Variants in BLTP1 observed in about 807,000 individuals in gnomAD.
BLTP1 encodes fragile site-associated protein.
At chr4:122,220,996 A>C in the BLTP1 span, 1 of 597,302 alleles carries the variant, frequency 1.7e-6, no homozygotes, top group Non-Finnish European at 2.1e-6. Context: ...ATTTCTGGGT[A>C]GATTATAATT....
At chr4:122,272,118 G>T in the BLTP1 span, 4 of 1,581,222 alleles carry the variant, frequency 2.5e-6, no homozygotes, top group Non-Finnish European at 3.4e-6. Flanking sequence ...CCATTTTTCA[G>T]TCTTCGTATC....
the BLTP1 span, chr4:122,353,992 T>G: frequency 6.2e-7 from 1 of 1,613,710 alleles, no homozygotes; most frequent in Non-Finnish European, 8.5e-7. The surrounding 1 kb of genome is among the most constrained non-coding windows in gnomAD (Gnocchi z 4.3). Context: ...AATGGTTCAA[T>G]TATGTTACAG....
the BLTP1 span, chr4:122,250,331 T>TTA: frequency 9.0e-6 from 14 of 1,560,620 alleles, no homozygotes; most frequent in Non-Finnish European, 1.2e-5. Flanking sequence ...TATTCACCAT[T>TTA]TATAATAAAT....
chr4:122,179,757 T>A, the BLTP1 span: 1 of 766,768 alleles, frequency 1.3e-6, no homozygotes, highest in South Asian at 5.9e-5. Context: ...TTTTCAAAGA[T>A]GAGCACATAC....
chr4:122,262,742 C>A, the BLTP1 span: 1 of 1,545,320 alleles, frequency 6.5e-7, no homozygotes. Context: ...TAAGAAATAA[C>A]CCTAAGTTAC....
the BLTP1 span, among the ~76,000 whole-genome samples, chr4:122,278,663 T>A: frequency 3.3e-5 from 5 of 152,318 alleles, no homozygotes; most frequent in African/African-American, 1.2e-4. Context: ...GGTCCACTTT[T>A]ATCTGCTCCC....
chr4:122,327,537 TTTGA>T, the BLTP1 span, among the ~76,000 whole-genome samples: 2 of 151,734 alleles, frequency 1.3e-5, no homozygotes, highest in African/African-American at 4.8e-5. Flanking sequence ...CATTCTTCAG[TTTGA>T]TTGATACATG....
the BLTP1 span, chr4:122,298,826 G>A: frequency 1.0e-6 from 1 of 976,900 alleles, no homozygotes; most frequent in Non-Finnish European, 1.2e-6. Flanking sequence ...GGGACAGTTT[G>A]ATGAAAGAAA....
the BLTP1 span, chr4:122,167,882 G>A: frequency 2.0e-6 from 2 of 985,372 alleles, no homozygotes; most frequent in Non-Finnish European, 2.4e-6. Flanking sequence ...CAACCAGTTT[G>A]TATTTTGTTC....
chr4:122,309,589 T>G, the BLTP1 span: 10 of 962,276 alleles, frequency 1.0e-5, no homozygotes, highest in African/African-American at 1.7e-4. Flanking sequence ...AGAAGGGCTA[T>G]TTCTAGTTAC....
At chr4:122,316,139 T>C in the BLTP1 span, among the ~76,000 whole-genome samples, 3 of 152,156 alleles carry the variant, frequency 2.0e-5, no homozygotes, top group African/African-American at 7.2e-5. Context: ...CAAAATGAAA[T>C]GATACATTTT....
At chr4:122,160,364 C>T in the BLTP1 span, among the ~76,000 whole-genome samples, 1 of 152,068 alleles carries the variant, frequency 6.6e-6, no homozygotes, top group Admixed American at 6.5e-5. Flanking sequence ...TAATTTTAGG[C>T]CTTGTTGTGT....
At chr4:122,353,235 A>G in the BLTP1 span, 58 of 1,545,660 alleles carry the variant, frequency 3.8e-5, no homozygotes, top group East Asian at 1.2e-3. The surrounding 1 kb of genome is among the most constrained non-coding windows in gnomAD (Gnocchi z 4.3). Flanking sequence ...TCTGAAGTCC[A>G]TCTCTGTTTG....
chr4:122,209,632 C>A, the BLTP1 span: 2 of 431,080 alleles, frequency 4.6e-6, no homozygotes, highest in Admixed American at 1.3e-4. Context: ...GCAACAGAGA[C>A]CCCATCTCAA....
the BLTP1 span, among the ~76,000 whole-genome samples, chr4:122,333,997 C>T: frequency 6.6e-6 from 1 of 151,980 alleles, no homozygotes; most frequent in African/African-American, 2.4e-5. Context: ...GTAGCATTTT[C>T]CATGAAAGTT....
chr4:122,152,983 G>T, the BLTP1 span: 1 of 985,314 alleles, frequency 1.0e-6, no homozygotes, highest in Non-Finnish European at 1.2e-6. Flanking sequence ...GTTGACCGAG[G>T]GCGGGGAAGC....
chr4:122,226,640 C>G, the BLTP1 span: 9 of 1,590,108 alleles, frequency 5.7e-6, no homozygotes, highest in African/African-American at 8.2e-5. Context: ...TCTTCAGAAG[C>G]TTTTGAACTC....
the BLTP1 span, chr4:122,246,472 C>A: frequency 1.7e-6 from 1 of 598,008 alleles, no homozygotes; most frequent in Non-Finnish European, 2.1e-6. Context: ...TTTACTTAAG[C>A]AGAATATTAG....
chr4:122,247,992 G>A, the BLTP1 span: 1 of 985,034 alleles, frequency 1.0e-6, no homozygotes, highest in Non-Finnish European at 1.2e-6. Flanking sequence ...TCTTTATGTG[G>A]GACTGGTGAC....
Sources: allele counts gnomAD v4.1 joint callset (sites outside exome capture counted in the v4.1 genomes callset), GRCh38; gene constraint gnomAD v4.1.1; non-coding constraint Gnocchi (gnomAD v3.1); transcripts MANE v1.5; gene names NCBI Gene and HGNC (gene_info 2026-07-23, HGNC 2026-07-21).